Variants in EFCAB3 observed in about 807,000 individuals in gnomAD.
EFCAB3 encodes the protein EF-hand calcium binding domain 3.
A neutral mutation model predicts 42.2 loss-of-function variants in EFCAB3; 36 were observed. The ratio of observed to expected loss-of-function variants is 0.85; its 90% confidence interval spans 0.65 to 1.13. The LOEUF (loss-of-function observed/expected upper bound fraction) is 1.13. EFCAB3 is among the 50% of genes most tolerant of loss of function. EFCAB3 has a pLI of 0.00. For missense variants in EFCAB3, 418 were observed against 505.1 expected (o/e 0.83, Z 1.65); for synonymous variants, 170 against 172.8 (o/e 0.98, Z 0.13).
intron 2 of EFCAB3, among the ~76,000 whole-genome samples, chr17:62,385,168 G>T (rs2070237989): frequency 2.0e-5 from 3 of 152,162 alleles, no homozygotes. Context: ...TACAGGTTGG[G>T]CACAGTGGCA....
intron 7 of EFCAB3, 149 bp downstream of exon 7, chr17:62,406,822 AGC>A: frequency 1.1e-6 from 1 of 896,406 alleles, no homozygotes; most frequent in Non-Finnish European, 1.6e-6. Flanking sequence ...GTCATTTGAA[AGC>A]AAATGTAGAT....
intron 1 of EFCAB3, among the ~76,000 whole-genome samples, chr17:62,371,380 C>A (rs1032002224): frequency 6.6e-6 from 1 of 150,898 alleles, no homozygotes; most frequent in African/African-American, 2.4e-5. Flanking sequence ...CATGGTGAAA[C>A]CCCGTCTCTA....
intron 1 of EFCAB3, chr17:62,381,854 T>C: frequency 2.3e-6 from 1 of 433,312 alleles, no homozygotes; most frequent in Non-Finnish European, 4.6e-6. Context: ...TTGGCAAGGT[T>C]GCCAGTGTAC....
rs2070338863 is a variant in EFCAB3, at chr17:62,395,179, A to T, written c.479A>T (p.Glu160Val). Reference sequence around the variant, plus strand: ...GCCCTACCCAGAAAGTCTATAATAGAAATAGTAAGGTAAGTGAGAAGGAAA... The same window carrying T: ...GCCCTACCCAGAAAGTCTATAATAGTAATAGTAAGGTAAGTGAGAAGGAAA... ...TSALPRKSII[E>V]IVSYFQRKFQ... Residue 160 changes from glutamate (E) to valine (V), a missense_variant, in exon 6 of 10, where the codon GAA becomes GTA. By Grantham distance (121) the Glu-to-Val change is moderately radical. Transcript: ENST00000305286. The T allele has an allele frequency of 5.0e-6, 8 of 1,613,090 alleles. No individual in the cohort carries two copies. The highest frequency in any genetic ancestry group is 6.8e-6 in the Non-Finnish European group (8 of 1,179,678).
upstream of EFCAB3, among the ~76,000 whole-genome samples, chr17:62,376,629 A>G (rs756446015): frequency 6.6e-6 from 1 of 152,128 alleles, no homozygotes; most frequent in Non-Finnish European, 1.5e-5. Context: ...CATTTTTCAC[A>G]CTTAAATATC....
At chr17:62,370,328 G>C (rs116377137) in intron 1 of EFCAB3, 1 of 1,551,566 alleles carries the variant, frequency 6.4e-7, no homozygotes, top group Non-Finnish European at 8.7e-7. Context: ...TAACGGTGAG[G>C]TGTATGTTTT....
chr17:62,388,682 TA>T (rs770297889), intron 3 of EFCAB3, among the ~76,000 whole-genome samples: 1 of 152,146 alleles, frequency 6.6e-6, no homozygotes, highest in African/African-American at 2.4e-5. Context: ...ATATGGAAAC[TA>T]GAAAATGTGT....
chr17:62,386,624 A>T (rs2070253957), intron 2 of EFCAB3, among the ~76,000 whole-genome samples: 1 of 152,254 alleles, frequency 6.6e-6, no homozygotes. Flanking sequence ...TTCTAACAAC[A>T]GGAATAGTGT....
At chr17:62,404,149 A>G (rs1168551085) in intron 6 of EFCAB3, among the ~76,000 whole-genome samples, 2 of 152,200 alleles carry the variant, frequency 1.3e-5, no homozygotes, top group Non-Finnish European at 2.9e-5. Context: ...TGGGAGGCTG[A>G]GGCAGGAGGA....
intron 1 of EFCAB3, 135 bp downstream of exon 1, chr17:62,380,748 G>A (rs1251622335): frequency 9.2e-6 from 3 of 324,810 alleles, no homozygotes; most frequent in South Asian, 2.4e-4. Flanking sequence ...CCTTTCAAAT[G>A]CCTGAATTGT....
intron 8 of EFCAB3, among the ~76,000 whole-genome samples, chr17:62,411,020 T>C (rs1050640337): frequency 6.6e-6 from 1 of 152,182 alleles, no homozygotes; most frequent in Non-Finnish European, 1.5e-5. Flanking sequence ...AGTTTCCACA[T>C]TGGATGAAAT....
At position 62,402,083 on chromosome 17, in the gene EFCAB3, C is replaced by G. The variant is rs548721292; in HGVS notation, c.489-4397C>G. Among the ~76,000 whole-genome samples the G allele has an allele frequency of 6.6e-5, 10 of 152,236 alleles. No homozygotes were observed. In the South Asian group the frequency reaches 2.1e-3, roughly 32 times the overall value. On this transcript the variant is annotated intron_variant, in intron 6 of 9. Transcript: ENST00000305286. ...ATGGGAGTACACTCATGATTTGGCTCTCTGTTTGTCTGTTATCGGTGTATA... is the reference window on the plus strand; with the variant it reads ...ATGGGAGTACACTCATGATTTGGCTGTCTGTTTGTCTGTTATCGGTGTATA...
chr17:62,379,190 A>C (rs1443272232), upstream of EFCAB3, among the ~76,000 whole-genome samples: 8 of 152,080 alleles, frequency 5.3e-5, no homozygotes, highest in Admixed American at 5.2e-4. Flanking sequence ...TGGGAGGCCA[A>C]GGAGATTGCT....
chr17:62,401,720 C>A (rs140577002), intron 6 of EFCAB3, among the ~76,000 whole-genome samples: 7,862 of 152,146 alleles, frequency 0.052, 875 homozygotes, highest in East Asian at 0.45. Flanking sequence ...AGTCAGGTAG[C>A]GTGATGCCTC....
intron 5 of EFCAB3, among the ~76,000 whole-genome samples, chr17:62,394,802 C>A (rs2070334948): frequency 6.6e-6 from 1 of 152,162 alleles, no homozygotes; most frequent in Non-Finnish European, 1.5e-5. Flanking sequence ...AGATAATAAT[C>A]ATTAACACAA....
At chr17:62,379,070 A>G (rs2070174256), upstream of EFCAB3, among the ~76,000 whole-genome samples, 2 of 152,286 alleles carry the variant, frequency 1.3e-5, no homozygotes, top group Admixed American at 6.5e-5. Flanking sequence ...AGGGAAAAAT[A>G]TCTGTGAATT....
upstream of EFCAB3, among the ~76,000 whole-genome samples, chr17:62,376,894 A>G (rs1045666062): frequency 7.2e-5 from 11 of 152,202 alleles, no homozygotes; most frequent in East Asian, 1.9e-4. Flanking sequence ...ATACATTTAG[A>G]AAAAAAGTCG....
rs1382734465 is a variant in EFCAB3, at chr17:62,407,012, G to T, written c.683-16G>T. Reference sequence around the variant, plus strand: ...TTACATTGTTTGTGATACCATTTTTGTTTTTATCTTTTTAGGATGCAATTC... The same window carrying T: ...TTACATTGTTTGTGATACCATTTTTTTTTTTATCTTTTTAGGATGCAATTC... On this transcript the variant is annotated splice_polypyrimidine_tract_variant and intron_variant, in intron 7 of 9. Transcript: ENST00000305286. The T allele has an allele frequency of 1.3e-6, 2 of 1,565,390 alleles. No individual in the cohort carries two copies. Among genetic ancestry groups the T allele is most frequent in the Admixed American group, 4.2e-5 (2 of 47,872 alleles).
intron 1 of EFCAB3, among the ~76,000 whole-genome samples, chr17:62,373,279 C>CA (rs66484718): frequency 0.36 from 46,858 of 131,736 alleles, 8,426 homozygotes; most frequent in Admixed American, 0.4. Context: ...GACCCTGCCT[C>CA]AAAAAAAAAA....
Sources: gnomAD v4.1 joint callset for allele counts (sites outside exome capture counted in the v4.1 genomes callset) on GRCh38, gnomAD v4.1.1 for gene constraint, MANE v1.5 for transcripts, NCBI Gene and HGNC (gene_info 2026-07-23, HGNC 2026-07-21) for gene names.